The following BIRC6 variants were observed in gnomAD, a reference collection of about 807,000 sequenced individuals.
BIRC6 encodes the protein dual E2 ubiquitin-conjugating enzyme/E3 ubiquitin-protein ligase BIRC6.
Under a neutral mutation model 503.3 loss-of-function variants are expected in BIRC6, and 98 were observed. That is an observed-to-expected ratio of 0.19 (90% CI 0.17 to 0.23). The LOEUF is 0.23. BIRC6 is among the 10% of genes least tolerant of loss of function. The pLI, the probability that BIRC6 is intolerant of heterozygous loss-of-function variation, is 1.00. For missense variants in BIRC6, 5,360 were observed against 5,806.0 expected, an observed-to-expected ratio of 0.92 and a Z score of 2.50; for synonymous variants, 2,240 against 2,078.7, an observed-to-expected ratio of 1.08 and a Z score of -2.11.
intron 59 of BIRC6, chr2:32,527,520 A>T (rs539278483): frequency 6.6e-6 from 1 of 152,356 alleles, no homozygotes; most frequent in South Asian, 2.1e-4. Flanking sequence ...GGAGTTTAGT[A>T]TAAAGAATGC....
rs1197356657 is a variant in BIRC6, at chr2:32,479,635, G to A, written c.7408+18G>A. On this transcript the variant is annotated intron_variant, in intron 37 of 73. Coordinates refer to ENST00000421745, the MANE Select transcript of BIRC6 (RefSeq NM_016252.4). ...CATAACAGGTAAAGTTTTACATTAT[G>A]TTTCTTCTTTATTCTATTAAATGGA... 6.4e-7 allele frequency: 1 copy of A among 1,552,926 alleles called. No individual in the cohort carries two copies. The highest frequency in any genetic ancestry group is 8.8e-7 in the Non-Finnish European group (1 of 1,135,846).
intron 70 of BIRC6, among the ~76,000 whole-genome samples, chr2:32,601,855 G>C (rs2062082446): frequency 6.6e-6 from 1 of 152,168 alleles, no homozygotes; most frequent in East Asian, 1.9e-4. Flanking sequence ...TACTCTTTTA[G>C]GGGGTCTGTT....
rs985894566 is a variant in BIRC6 at position 32,468,036 on chromosome 2, G to A, written c.5705G>A (p.Gly1902Glu). 4.3e-6 allele frequency: 7 copies of A among 1,613,744 alleles called. No homozygotes were observed. Among genetic ancestry groups the A allele is most frequent in the East Asian group, 4.5e-5 (2 of 44,874 alleles). ...KLMHDPLKGE[G>E]ESANQPEIDQ... ...ATGCATGATCCTCTAAAGGGAGAGG[G>A]AGAATCTGCAAACCAGCCAGAAATT... Residue 1902 changes from glycine (G) to glutamate (E), a missense_variant, in exon 28 of 74, where the codon GGA (glycine) becomes GAA (glutamate). Gly to Glu is a moderately conservative substitution (Grantham distance 98). Transcript: ENST00000421745.
chr2:32,511,201 CTTTT>C, intron 53 of BIRC6, among the ~76,000 whole-genome samples: 2 of 48,580 alleles, frequency 4.1e-5, no homozygotes, highest in Non-Finnish European at 7.1e-5. Flanking sequence ...CTTTTCTTTT[CTTTT>C]TTTTTTTTTT....
chr2:32,385,233 T>C (rs555826414), intron 3 of BIRC6, among the ~76,000 whole-genome samples: 23 of 152,314 alleles, frequency 1.5e-4, no homozygotes, highest in Admixed American at 4.6e-4. Flanking sequence ...TTTCCCCTCA[T>C]ATTATTTCAT....
chr2:32,394,657 C>T (rs551744251), intron 5 of BIRC6, among the ~76,000 whole-genome samples: 1 of 152,030 alleles, frequency 6.6e-6, no homozygotes, highest in African/African-American at 2.4e-5. Context: ...TGTAAGGAGA[C>T]CATGTCTCTA....
At chr2:32,525,168 T>G in intron 58 of BIRC6, 149 bp downstream of exon 58, 1 of 791,104 alleles carries the variant, frequency 1.3e-6, no homozygotes, top group Non-Finnish European at 1.8e-6. Context: ...TATCTTTTTA[T>G]TTTTATTTTT....
intron 35 of BIRC6, 80 bp downstream of exon 35, chr2:32,477,663 C>T: frequency 9.2e-7 from 1 of 1,083,298 alleles, no homozygotes; most frequent in Non-Finnish European, 1.3e-6. Context: ...CTTTGGGAGA[C>T]TGAGGTGGGT....
intron 59 of BIRC6, chr2:32,528,863 G>A (rs188150062): frequency 3.3e-5 from 5 of 151,996 alleles, no homozygotes; most frequent in Admixed American, 3.3e-4. Context: ...GTGTATGTGT[G>A]TATACACACA....
At position 32,617,746 on chromosome 2, in the gene BIRC6, G is replaced by A; in HGVS notation, c.14416G>A (p.Glu4806Lys). ...ALKRHTAQLR[E>K]ELLKLPCPEG... ...ATAGCGTCACACTGCTCAGCTCCGC[G>A]AAGAGTTGCTGAAACTTCCCTGCCC... The change falls in exon 74 of 74, where the codon GAA (glutamate) becomes AAA (lysine). Residue 4806 changes from glutamate to lysine, a missense_variant. Physicochemically the swap from Glu to Lys is moderately conservative, Grantham distance 56. Coordinates refer to ENST00000421745, the MANE Select transcript of BIRC6 (RefSeq NM_016252.4). 1.9e-6 allele frequency: 3 copies of A among 1,613,918 alleles called. No homozygotes were observed. Among genetic ancestry groups the A allele is most frequent in the South Asian group, 1.1e-5 (1 of 91,072 alleles).
chr2:32,498,079 G>C (rs2052697378), intron 45 of BIRC6, among the ~76,000 whole-genome samples: 1 of 151,772 alleles, frequency 6.6e-6, no homozygotes, highest in Non-Finnish European at 1.5e-5. Flanking sequence ...TTATTTTTGA[G>C]ACAGTGTTTG....
In BIRC6 at chr2:32,377,760, C is replaced by T. The variant is rs555203755; in HGVS notation, c.498C>T (p.Pro166=). ...ATGATGTGGTTCAGCTTGAATTACC[C>T]GTTACAGAGGTAAGTTGAAATAAGT... The part of the protein sequence containing the change: ...KQDDVVQLEL[P]VTEAQQLLSA... The change falls in exon 2 of 74, where the codon CCC becomes CCT. Residue 166 remains proline, a synonymous_variant. Transcript: ENST00000421745. 11 of 1,611,506 alleles carry T rather than the reference C, an allele frequency of 6.8e-6. No individual in the cohort carries two copies. Among genetic ancestry groups the T allele is most frequent in the South Asian group, 3.3e-5 (3 of 90,632 alleles).
chr2:32,525,010 G>A lies in BIRC6; in HGVS notation c.11746G>A (p.Val3916Ile). The A allele has an allele frequency of 6.5e-7, 1 of 1,550,010 alleles. No individual in the cohort carries two copies. The highest frequency in any genetic ancestry group is 8.7e-7 in the Non-Finnish European group (1 of 1,153,764). ...ATTTCAAGACAATTACAGTGTTGTT[G>A]TTGCCTCTGGTATGCTTTCTATTTT... ...NGFQDNYSVVVASGLKSQSKR... is the reference protein window; with the variant it reads ...NGFQDNYSVVIASGLKSQSKR... Residue 3916 changes from valine to isoleucine, a missense_variant, in exon 58 of 74, where the codon GTT (valine) becomes ATT (isoleucine). Physicochemically the swap from Val to Ile is conservative, Grantham distance 29. Around this residue, in one of 16 missense-constraint regions of BIRC6, gnomAD observed 878 missense variants for 928.9 expected, o/e 0.95. Transcript: ENST00000421745.
In BIRC6 at chr2:32,524,940, AAAG is replaced by A; in HGVS notation, c.11679_11681del (p.Lys3894del). The A allele has an allele frequency of 6.5e-7, 1 of 1,534,526 alleles. No individual in the cohort carries two copies. Among genetic ancestry groups the A allele is most frequent in the Non-Finnish European group, 8.8e-7 (1 of 1,139,222 alleles). On this transcript the variant is annotated inframe_deletion, in exon 58 of 74. Coordinates refer to ENST00000421745, the MANE Select transcript of BIRC6 (RefSeq NM_016252.4). The stretch of plus-strand genomic sequence containing the variant: ...TTAGTGAACAAAAAGATGACAAAGA[AAAG>A]AAAAACCATGAAGAGAAAGAAAAAG...
At chr2:32,568,376 C>G (rs529156201) in intron 65 of BIRC6, among the ~76,000 whole-genome samples, 1 of 149,228 alleles carries the variant, frequency 6.7e-6, no homozygotes, top group Non-Finnish European at 1.5e-5. Context: ...GCCTGTAATC[C>G]CAGCTGCTCT....
chr2:32,576,830 G>C (rs1411877187), intron 66 of BIRC6, among the ~76,000 whole-genome samples: 1 of 152,156 alleles, frequency 6.6e-6, no homozygotes, highest in Admixed American at 6.5e-5. Flanking sequence ...ATGGCTCATT[G>C]CCAGGCAGTC....
rs564287808 is a variant in BIRC6 at position 32,460,431 on chromosome 2, C to A, written c.4754-2763C>A. 1.3e-4 allele frequency among the ~76,000 whole-genome samples: 20 copies of A among 151,132 alleles called. No homozygotes were observed. The East Asian group carries it at 3.9e-3, about 29-fold the overall frequency. ...ACCTGGGATTACAGGTGCCCACCAC[C>A]ACACCCAGCTAATTTTTGTATTTTT... On this transcript the variant is annotated intron_variant, in intron 23 of 73. Transcript: ENST00000421745.
intron 36 of BIRC6, 131 bp downstream of exon 36, chr2:32,478,949 G>T (rs889524351): frequency 4.9e-6 from 4 of 821,212 alleles, no homozygotes; most frequent in Non-Finnish European, 7.6e-6. Context: ...CTGTTTAATC[G>T]GTGTGATGTT....
chr2:32,438,431 A>T (rs1403007800), intron 15 of BIRC6, among the ~76,000 whole-genome samples: 1 of 152,132 alleles, frequency 6.6e-6, no homozygotes, highest in Non-Finnish European at 1.5e-5. Flanking sequence ...GCAACAATAG[A>T]CTGATAGTTT....
Sources: gnomAD v4.1 joint callset for allele counts (sites outside exome capture counted in the v4.1 genomes callset) on GRCh38, gnomAD v4.1.1 for gene constraint, gnomAD v4.1.1 regional missense constraint, MANE v1.5 for transcripts, NCBI Gene and HGNC (gene_info 2026-07-23, HGNC 2026-07-21) for gene names.